TRPM2: variants seen among roughly 807,000 people sequenced by gnomAD.
The protein encoded by TRPM2 is transient receptor potential cation channel subfamily M member 2.
In TRPM2, 161 loss-of-function variants were observed where a neutral mutation model predicts 174.0. The observed-to-expected ratio is 0.93, with a 90% confidence interval of 0.81 to 1.05. The LOEUF (loss-of-function observed/expected upper bound fraction) is 1.05, where lower values mean the gene tolerates loss of function less well. Ranked by LOEUF, TRPM2 falls within the 50% of genes least tolerant of loss-of-function variation. The pLI is 0.00. For missense variants in TRPM2, 2,057 were observed against 2,038.0 expected, an observed-to-expected ratio of 1.01 and a Z score of -0.18; for synonymous variants, 954 against 861.3, an observed-to-expected ratio of 1.11 and a Z score of -1.88.
At chr21:44,382,589 G>T (rs1206202134) in intron 8 of TRPM2, 129 bp from the exon 9 acceptor site, 7 of 739,114 alleles carry the variant, frequency 9.5e-6, no homozygotes, top group Non-Finnish European at 1.6e-5. Flanking sequence ...AGATGTGGTG[G>T]TGTCCTGGCC....
At chr21:44,397,091 T>G (rs1183084022) in intron 12 of TRPM2, among the ~76,000 whole-genome samples, 2 of 150,334 alleles carry the variant, frequency 1.3e-5, no homozygotes. Context: ...CAGGCTGGAG[T>G]GCAGTGGCAC....
intron 3 of TRPM2, 92 bp downstream of exon 3, chr21:44,364,374 A>G: frequency 6.7e-7 from 1 of 1,498,930 alleles, no homozygotes; most frequent in Non-Finnish European, 9.1e-7. Flanking sequence ...GGGCAAGAGC[A>G]GGAGGCTGGC....
intron 19 of TRPM2, among the ~76,000 whole-genome samples, chr21:44,410,489 T>C (rs2050069445): frequency 1.4e-5 from 1 of 69,694 alleles, no homozygotes; most frequent in African/African-American, 4.0e-5. Flanking sequence ...TAGTAAGTTT[T>C]GACCGCACTG....
In TRPM2 at chr21:44,367,638, G is replaced by T. The variant is rs1476962928; in HGVS notation, c.604+704G>T. On this transcript the variant is annotated intron_variant, in intron 4 of 31. Transcript: ENST00000397928. This position sits in a 1 kb window ranked among gnomAD's most constrained non-coding sequence, Gnocchi z 4.6. ...GGCCTCCCTGGAGGGGACTGTGGAT[G>T]AATAGTGAGGCCCTGAGGTGACTAC... 6.6e-6 allele frequency among the ~76,000 whole-genome samples: 1 copy of T among 152,196 alleles called. No homozygotes were observed. Among genetic ancestry groups the T allele is most frequent in the Non-Finnish European group, 1.5e-5 (1 of 68,034 alleles).
intron 20 of TRPM2, among the ~76,000 whole-genome samples, chr21:44,414,364 G>A (rs540029824): frequency 3.3e-5 from 5 of 152,338 alleles, no homozygotes; most frequent in African/African-American, 1.2e-4. Flanking sequence ...GTGCTGCTGC[G>A]GAGGCAGCCT....
intron 20 of TRPM2, among the ~76,000 whole-genome samples, chr21:44,414,420 G>A (rs1022018615): frequency 2.6e-5 from 4 of 152,336 alleles, no homozygotes; most frequent in South Asian, 2.1e-4. Flanking sequence ...TTCCTTCTGC[G>A]CAGGCGCAGC....
intron 22 of TRPM2, chr21:44,422,271 G>A (rs2050577873): frequency 8.5e-6 from 13 of 1,535,978 alleles, no homozygotes; most frequent in South Asian, 1.2e-5. Context: ...CGCCCACAGG[G>A]CAGGGCTGGA....
In TRPM2 at chr21:44,417,584, G is replaced by A. The variant is rs1430516452; in HGVS notation, c.3147-343G>A. Among the ~76,000 whole-genome samples, 80 of 103,154 alleles carry A rather than the reference G, an allele frequency of 7.8e-4. 1 individual carries two copies. Among genetic ancestry groups the A allele is most frequent in the African/African-American group, 3.2e-3 (75 of 23,438 alleles). 67.7% of individuals were successfully genotyped at this position (103,154 alleles called of 152,430 possible). The stretch of plus-strand genomic sequence containing the variant: ...CTGGCATCACAGTGGGCACGTGGGC[G>A]TGGCTCTGCTCTCTGTGGCATCACA... On this transcript the variant is annotated intron_variant, in intron 20 of 31. Transcript: ENST00000397928.
At position 44,377,467 on chromosome 21, in the gene TRPM2, C is replaced by T. The variant is rs112149295; in HGVS notation, c.953-245C>T. Among the ~76,000 whole-genome samples the T allele has an allele frequency of 7.9e-5, 12 of 152,280 alleles. No homozygotes were observed. In the East Asian group the frequency reaches 2.3e-3, roughly 29 times the overall value. ...GCTCATTGATGTGGAACAGGCAGGTCCCCTGGGAATGTGGAGCTTTGACTT... is the reference window on the plus strand; with the variant it reads ...GCTCATTGATGTGGAACAGGCAGGTTCCCTGGGAATGTGGAGCTTTGACTT... On this transcript the variant is annotated intron_variant, in intron 6 of 31. Coordinates refer to ENST00000397928, the MANE Select transcript of TRPM2 (RefSeq NM_003307.4).
chr21:44,414,551 G>C lies in TRPM2; in HGVS notation c.3146+477G>C, dbSNP rs115993289. 4.2e-3 allele frequency: 669 copies of C among 158,384 alleles called. 4 individuals carry two copies. Among genetic ancestry groups the C allele is most frequent in the African/African-American group, 0.016 (649 of 41,804 alleles). 9.8% of individuals were successfully genotyped at this position (158,384 alleles called of 1,614,324 possible). A position where few individuals can be genotyped will look rare whatever the true frequency, so the allele number is the denominator to read the frequency against. On this transcript the variant is annotated intron_variant, in intron 20 of 31. Transcript: ENST00000397928. ...TCCCTGTTACTGAGCAAAAGGGCTC[G>C]CTGCCCGATGTGCAGGAGGCCAATA...
At position 44,353,711 on chromosome 21, in the gene TRPM2, C is replaced by G. The variant is rs778652305; in HGVS notation, c.11C>G (p.Ser4Ter). 10 of 1,537,562 alleles carry G rather than the reference C, an allele frequency of 6.5e-6. No homozygotes were observed. Among genetic ancestry groups the G allele is most frequent in the Middle Eastern group, 3.6e-4 (2 of 5,508 alleles). Residue 4 changes from serine (S) to a stop codon, truncating the protein, a stop_gained, in exon 1 of 32, where the codon TCA becomes TGA. Coordinates refer to ENST00000397928, the MANE Select transcript of TRPM2 (RefSeq NM_003307.4). LOFTEE classifies it high-confidence loss of function. MEP[S>*]ALRKAGSEQE... ...CGTGGGGGTCTCAGAATGGAGCCCT[C>G]AGCCCTGAGGAAAGCTGGCTCGGAG...
intron 24 of TRPM2, 165 bp from the exon 25 acceptor site, chr21:44,425,505 C>A (rs950797267): frequency 1.5e-5 from 12 of 797,564 alleles, no homozygotes; most frequent in Non-Finnish European, 2.2e-5. Flanking sequence ...CCTGGGGGCC[C>A]TGCCCACTTC....
At chr21:44,429,088 C>T (rs2050934619) in intron 27 of TRPM2, among the ~76,000 whole-genome samples, 1 of 152,066 alleles carries the variant, frequency 6.6e-6, no homozygotes, top group Non-Finnish European at 1.5e-5. Context: ...AAATTTGAGA[C>T]AATGGACACT....
Position 44,391,257 on chromosome 21 carries a change from A to G in TRPM2, c.1441-15A>G, listed in dbSNP as rs1161740782. On this transcript the variant is annotated splice_polypyrimidine_tract_variant and intron_variant, in intron 10 of 31. Coordinates refer to ENST00000397928, the MANE Select transcript of TRPM2 (RefSeq NM_003307.4). This position sits in a 1 kb window ranked among gnomAD's most constrained non-coding sequence, Gnocchi z 5.0. ...TGACCAAATGCAACCGTCACTGCACAATGCTTGCTCTCAGCCTTCAGATCT... is the reference window on the plus strand; with the variant it reads ...TGACCAAATGCAACCGTCACTGCACGATGCTTGCTCTCAGCCTTCAGATCT... 1.2e-6 allele frequency: 2 copies of G among 1,606,698 alleles called. No individual in the cohort carries two copies. Among genetic ancestry groups the G allele is most frequent in the Non-Finnish European group, 1.7e-6 (2 of 1,174,968 alleles).
At chr21:44,413,525 G>A (rs1248642189) in intron 19 of TRPM2, among the ~76,000 whole-genome samples, 2 of 152,216 alleles carry the variant, frequency 1.3e-5, no homozygotes, top group African/African-American at 4.8e-5. Flanking sequence ...TTACAGGCAT[G>A]AGCCACTGCT....
chr21:44,432,868 G>A lies in TRPM2; in HGVS notation c.3975-2263G>A, dbSNP rs75042726. Among the ~76,000 whole-genome samples the A allele has an allele frequency of 1.8e-4, 28 of 152,324 alleles. No homozygotes were observed. In the East Asian group the frequency reaches 4.0e-3, roughly 22 times the overall value. On this transcript the variant is annotated intron_variant, in intron 27 of 31. Coordinates refer to ENST00000397928, the MANE Select transcript of TRPM2 (RefSeq NM_003307.4). This position sits in a 1 kb window ranked among gnomAD's most constrained non-coding sequence, Gnocchi z 4.9. ...GTAGCCAGACTGTCGCTGTTTTTGC[G>A]CTTTGGGGTTGTGTGCGTAGGTTTA...
Position 44,354,073 on chromosome 21 carries a change from T to G in TRPM2, c.165+208T>G, listed in dbSNP as rs2047988125. ...GGGTTGCATGACCATTTCCCATGGTTGGTCTGATTGGGAAATCACCGGGTT... is the reference window on the plus strand; with the variant it reads ...GGGTTGCATGACCATTTCCCATGGTGGGTCTGATTGGGAAATCACCGGGTT... On this transcript the variant is annotated intron_variant, in intron 1 of 31. Coordinates refer to ENST00000397928, the MANE Select transcript of TRPM2 (RefSeq NM_003307.4). This position sits in a 1 kb window ranked among gnomAD's most constrained non-coding sequence, Gnocchi z 4.3. Among the ~76,000 whole-genome samples, 1 of 152,204 alleles carries G rather than the reference T, an allele frequency of 6.6e-6. No individual in the cohort carries two copies. Among genetic ancestry groups the G allele is most frequent in the Admixed American group, 6.5e-5 (1 of 15,278 alleles).
chr21:44,406,798 T>G, intron 19 of TRPM2, 33 bp downstream of exon 19: 2 of 1,574,192 alleles, frequency 1.3e-6, no homozygotes, highest in Non-Finnish European at 1.7e-6. Context: ...GCTCGGGTGG[T>G]GCTGCCGGGA....
chr21:44,373,539 T>TCTGCATTATATGAGAC (rs1569029668), intron 5 of TRPM2, among the ~76,000 whole-genome samples: 35 of 145,792 alleles, frequency 2.4e-4, no homozygotes. Context: ...CTTTTCATTT[T>TCTGCATTATATGAGAC]CTGCATTATA....
Sources: allele counts gnomAD v4.1 joint callset (sites outside exome capture counted in the v4.1 genomes callset), GRCh38; gene constraint gnomAD v4.1.1; non-coding constraint Gnocchi (gnomAD v3.1); transcripts MANE v1.5; gene names NCBI Gene and HGNC (gene_info 2026-07-23, HGNC 2026-07-21).